ENOX1: variants seen among roughly 807,000 people sequenced by gnomAD.
The protein encoded by ENOX1 is candidate growth-related and time keeping constitutive hydroquinone (NADH) oxidase.
A neutral mutation model predicts 82.5 loss-of-function variants in ENOX1; 42 were observed. The observed-to-expected ratio is 0.51, with a 90% CI of 0.40 to 0.66. The LOEUF is 0.66. ENOX1 is among the 30% of genes least tolerant of loss of function. ENOX1 has a pLI of 0.00. For synonymous variants in ENOX1, 271 were observed against 282.2 expected, an observed-to-expected ratio of 0.96 and a Z score of 0.40; for missense variants, 608 against 811.6, an observed-to-expected ratio of 0.75 and a Z score of 3.05.
At chr13:43,510,277 T>G (rs1475311330) in intron 2 of ENOX1, among the ~76,000 whole-genome samples, 1 of 152,108 alleles carries the variant, frequency 6.6e-6, no homozygotes, top group Non-Finnish European at 1.5e-5. Flanking sequence ...CTATTTCTGA[T>G]GCATTCATAC....
intron 2 of ENOX1, among the ~76,000 whole-genome samples, chr13:43,490,601 A>G (rs2076585832): frequency 6.6e-6 from 1 of 152,178 alleles, no homozygotes; most frequent in African/African-American, 2.4e-5. Flanking sequence ...AAATGAGATT[A>G]AGGACCTTAT....
At chr13:43,676,886 A>G (rs971684283) in intron 1 of ENOX1, among the ~76,000 whole-genome samples, 1 of 152,068 alleles carries the variant, frequency 6.6e-6, no homozygotes, top group African/African-American at 2.4e-5. Context: ...AGTCATTTCC[A>G]TTTATTACTG....
At chr13:43,614,715 T>G (rs1395793720) in intron 2 of ENOX1, among the ~76,000 whole-genome samples, 1 of 152,120 alleles carries the variant, frequency 6.6e-6, no homozygotes, top group Non-Finnish European at 1.5e-5. Context: ...TAGGCTGTAA[T>G]GAACATTTTC....
chr13:43,557,220 T>G (rs1169977644), intron 2 of ENOX1, among the ~76,000 whole-genome samples: 1 of 152,160 alleles, frequency 6.6e-6, no homozygotes, highest in Non-Finnish European at 1.5e-5. Context: ...TCCAAGACCA[T>G]TTGGGGAGTC....
chr13:43,321,018 A>G (rs1313537156), intron 11 of ENOX1: 19 of 456,028 alleles, frequency 4.2e-5, no homozygotes, highest in South Asian at 1.4e-4. Flanking sequence ...TCATTGACAC[A>G]TAAGTGCTGG....
chr13:43,337,737 TTACACACACACACA>T (rs1005195074), intron 9 of ENOX1, among the ~76,000 whole-genome samples: 11 of 152,016 alleles, frequency 7.2e-5, no homozygotes, highest in South Asian at 2.1e-4. Context: ...AATTTTCATT[TTACACACACACACA>T]TACACACACA....
At chr13:43,465,957 T>C (rs2057700436) in intron 3 of ENOX1, among the ~76,000 whole-genome samples, 1 of 152,192 alleles carries the variant, frequency 6.6e-6, no homozygotes, top group African/African-American at 2.4e-5. Context: ...AAGGGCTTTA[T>C]TTTTATTCAT....
chr13:43,245,049 AC>A (rs1359160762), intron 14 of ENOX1, among the ~76,000 whole-genome samples: 1 of 152,192 alleles, frequency 6.6e-6, no homozygotes, highest in Admixed American at 6.5e-5. Flanking sequence ...TATGATTAGA[AC>A]TGTGGTTGGG....
chr13:43,288,747 A>T (rs1275094071), intron 12 of ENOX1, among the ~76,000 whole-genome samples: 1 of 152,202 alleles, frequency 6.6e-6, no homozygotes, highest in African/African-American at 2.4e-5. Flanking sequence ...CATGAACTCT[A>T]CTTAGAAGGT....
At chr13:43,621,066 A>G (rs1208160048) in intron 2 of ENOX1, among the ~76,000 whole-genome samples, 1 of 152,104 alleles carries the variant, frequency 6.6e-6, no homozygotes, top group Admixed American at 6.6e-5. Flanking sequence ...TTGCTACCCC[A>G]GCTCGTTTTT....
intron 2 of ENOX1, among the ~76,000 whole-genome samples, chr13:43,489,859 T>C (rs1375461897): frequency 6.6e-6 from 1 of 152,236 alleles, no homozygotes; most frequent in Non-Finnish European, 1.5e-5. Flanking sequence ...TTAGACTTAC[T>C]TGGGACCTGT....
Position 43,674,113 on chromosome 13 carries a change from C to T in ENOX1, c.-284-6569G>A, listed in dbSNP as rs115891976. Among the ~76,000 whole-genome samples the T allele has an allele frequency of 8.1e-3, 1,230 of 152,254 alleles. 15 individuals are homozygous for T. The highest frequency in any genetic ancestry group is 0.028 in the African/African-American group (1,176 of 41,536). The stretch of plus-strand genomic sequence containing the variant: ...GCAGAGTGAATGAAAGAGTTTGTCA[C>T]CTTAAGAGTAAAGCTAAAAAGAACG... On this transcript the variant is annotated intron_variant, in intron 1 of 16. Transcript: ENST00000690772.
intron 3 of ENOX1, among the ~76,000 whole-genome samples, chr13:43,447,074 G>A (rs2056689435): frequency 6.6e-6 from 1 of 152,322 alleles, no homozygotes; most frequent in South Asian, 2.1e-4. Context: ...AATATTTCTT[G>A]AACACCTAGA....
chr13:43,464,196 T>C (rs953924846), intron 3 of ENOX1, among the ~76,000 whole-genome samples: 2 of 152,008 alleles, frequency 1.3e-5, no homozygotes, highest in Non-Finnish European at 2.9e-5. Flanking sequence ...AAAAGTAGCA[T>C]GTTCAAAATC....
At chr13:43,251,896 T>C (rs996058053) in intron 14 of ENOX1, among the ~76,000 whole-genome samples, 1 of 152,182 alleles carries the variant, frequency 6.6e-6, no homozygotes, top group African/African-American at 2.4e-5. Flanking sequence ...TCAGGAATGA[T>C]ATATATGCTT....
Position 43,551,424 on chromosome 13 carries a change from T to C in ENOX1, c.-218-67272A>G, listed in dbSNP as rs551190662. Among the ~76,000 whole-genome samples the C allele has an allele frequency of 2.0e-5, 3 of 152,156 alleles. No individual in the cohort carries two copies. The South Asian group carries it at 6.2e-4, about 31-fold the overall frequency. ...TGAGGTGCTGTTGACTCAAAAGTTG[T>C]TGGAAGAAAAAATAATAATAAAGAG... On this transcript the variant is annotated intron_variant, in intron 2 of 16. Coordinates refer to ENST00000690772, the MANE Select transcript of ENOX1 (RefSeq NM_001347969.2).
At chr13:43,413,039 T>G in intron 3 of ENOX1, 51 bp from the exon 4 acceptor site, 1 of 1,420,800 alleles carries the variant, frequency 7.0e-7, no homozygotes, top group Non-Finnish European at 9.2e-7. Context: ...TTAACTGAGA[T>G]AAAACGTCAA....
chr13:43,650,243 A>T (rs2084094863), intron 2 of ENOX1, among the ~76,000 whole-genome samples: 3 of 152,140 alleles, frequency 2.0e-5, no homozygotes, highest in Non-Finnish European at 4.4e-5. Context: ...TTTACCAATA[A>T]AGGGCCAGAT....
intron 5 of ENOX1, among the ~76,000 whole-genome samples, chr13:43,383,645 G>C (rs560278902): frequency 1.3e-3 from 203 of 152,234 alleles, no homozygotes; most frequent in African/African-American, 4.7e-3. Context: ...TCTCCACAAA[G>C]ACTTCCCTCA....
Sources: gnomAD v4.1 joint callset for allele counts (sites outside exome capture counted in the v4.1 genomes callset) on GRCh38, gnomAD v4.1.1 for gene constraint, MANE v1.5 for transcripts, NCBI Gene and HGNC (gene_info 2026-07-23, HGNC 2026-07-21) for gene names.